Variants in PTPRD observed in about 807,000 individuals in gnomAD.
PTPRD encodes receptor-type tyrosine-protein phosphatase delta.
A neutral mutation model predicts 214.5 loss-of-function variants in PTPRD; 34 were observed. That is an observed-to-expected ratio of 0.16 (90% CI 0.12 to 0.21). PTPRD has a LOEUF of 0.21. Ranked by LOEUF, PTPRD falls within the 10% of genes least tolerant of loss-of-function variation. PTPRD has a pLI of 1.00. For synonymous variants in PTPRD, 1,128 were observed against 845.7 expected, an observed-to-expected ratio of 1.33 and a Z score of -5.79; for missense variants, 2,545 against 2,398.7, an observed-to-expected ratio of 1.06 and a Z score of -1.27.
At chr9:10,508,376 A>G (rs1031727427) in intron 2 of PTPRD, among the ~76,000 whole-genome samples, 1 of 152,182 alleles carries the variant, frequency 6.6e-6, no homozygotes, top group African/African-American at 2.4e-5. Context: ...ACCATTGTGG[A>G]AGACAGTGCG....
intron 7 of PTPRD, among the ~76,000 whole-genome samples, chr9:9,701,242 C>G (rs2097495144): frequency 6.6e-6 from 1 of 151,996 alleles, no homozygotes; most frequent in South Asian, 2.1e-4. Context: ...GAGCAAATAA[C>G]TAAGAATGTT....
rs1275955398 is a variant in PTPRD, at chr9:8,352,452, A to C, written c.4662-10474T>G. On this transcript the variant is annotated intron_variant, in intron 39 of 45. Coordinates refer to ENST00000381196, the MANE Select transcript of PTPRD (RefSeq NM_002839.4). ...CCATACCAGCTCACTCCGTATTCTAAATTCTGTTTAGAGTGATACAAAATT... is the reference window on the plus strand; with the variant it reads ...CCATACCAGCTCACTCCGTATTCTACATTCTGTTTAGAGTGATACAAAATT... Among the ~76,000 whole-genome samples the C allele has an allele frequency of 2.6e-5, 4 of 152,160 alleles. No individual in the cohort carries two copies. In the East Asian group the frequency reaches 5.8e-4, roughly 22 times the overall value.
At chr9:8,338,451 C>A (rs1849098444) in intron 43 of PTPRD, among the ~76,000 whole-genome samples, 1 of 152,076 alleles carries the variant, frequency 6.6e-6, no homozygotes, top group Non-Finnish European at 1.5e-5. Context: ...CAAAGCTTGT[C>A]AGATTTTTCT....
chr9:8,434,008 T>C (rs148359004), intron 35 of PTPRD, among the ~76,000 whole-genome samples: 5 of 152,156 alleles, frequency 3.3e-5, no homozygotes, highest in African/African-American at 9.6e-5. Flanking sequence ...TGTTTGTTTG[T>C]TTCACTCTTG....
intron 39 of PTPRD, among the ~76,000 whole-genome samples, chr9:8,345,165 C>T (rs1032889796): frequency 1.3e-5 from 2 of 152,004 alleles, no homozygotes; most frequent in Admixed American, 6.6e-5. Context: ...CATTTATCAT[C>T]GTGGCAAATG....
intron 8 of PTPRD, among the ~76,000 whole-genome samples, chr9:9,515,598 C>G (rs1360401847): frequency 6.6e-6 from 1 of 151,538 alleles, no homozygotes; most frequent in Non-Finnish European, 1.5e-5. Context: ...ATTATGTATT[C>G]TCAACAATTA....
intron 4 of PTPRD, among the ~76,000 whole-genome samples, chr9:9,962,644 A>G (rs1394557024): frequency 6.6e-6 from 1 of 152,102 alleles, no homozygotes; most frequent in Admixed American, 6.6e-5. Context: ...AGACATAAAT[A>G]CTATGTCCAT....
chr9:9,643,603 C>A (rs902254012), intron 7 of PTPRD, among the ~76,000 whole-genome samples: 1 of 152,092 alleles, frequency 6.6e-6, no homozygotes, highest in African/African-American at 2.4e-5. Context: ...AATAGATCCT[C>A]ACTTTTAAAC....
At chr9:9,833,627 CTG>C (rs2055714861) in intron 5 of PTPRD, among the ~76,000 whole-genome samples, 1 of 97,662 alleles carries the variant, frequency 1.0e-5, no homozygotes, top group African/African-American at 4.7e-5. Context: ...CTATGGGAGA[CTG>C]GAGTTTATTT....
At chr9:10,283,125 TAC>T (rs58492445) in intron 3 of PTPRD, among the ~76,000 whole-genome samples, 164 of 148,654 alleles carry the variant, frequency 1.1e-3, no homozygotes, top group Non-Finnish European at 1.3e-3. Context: ...CCTGCATATG[TAC>T]ACACACACAC....
intron 5 of PTPRD, among the ~76,000 whole-genome samples, chr9:9,775,165 C>T (rs2098787309): frequency 6.6e-6 from 1 of 152,182 alleles, no homozygotes; most frequent in East Asian, 1.9e-4. Flanking sequence ...CAACTAATTG[C>T]ATTAATAATC....
chr9:8,977,501 T>G (rs920996673), intron 11 of PTPRD, among the ~76,000 whole-genome samples: 1 of 152,104 alleles, frequency 6.6e-6, no homozygotes, highest in Non-Finnish European at 1.5e-5. Context: ...TGTGCTGTTA[T>G]TGAAACTATC....
chr9:9,078,295 T>A (rs2099754024), intron 10 of PTPRD, among the ~76,000 whole-genome samples: 1 of 152,150 alleles, frequency 6.6e-6, no homozygotes, highest in African/African-American at 2.4e-5. Flanking sequence ...CGCAAGAATT[T>A]CTGAGTTCTG....
intron 8 of PTPRD, among the ~76,000 whole-genome samples, chr9:9,446,664 T>C (rs571508017): frequency 1.3e-5 from 2 of 152,248 alleles, no homozygotes; most frequent in African/African-American, 4.8e-5. Context: ...GACCTCCAAA[T>C]GGGATCTAAT....
chr9:10,248,649 G>A (rs945201768), intron 3 of PTPRD, among the ~76,000 whole-genome samples: 1 of 152,064 alleles, frequency 6.6e-6, no homozygotes. Flanking sequence ...GAAAAAGAGA[G>A]TCATTCTAAA....
intron 5 of PTPRD, among the ~76,000 whole-genome samples, chr9:9,797,979 G>T (rs868699505): frequency 2.0e-5 from 3 of 152,302 alleles, no homozygotes; most frequent in Middle Eastern, 6.8e-3. Context: ...ATACACGAAT[G>T]TTCTTGATCA....
chr9:8,629,794 T>C (rs1248903427), intron 14 of PTPRD, among the ~76,000 whole-genome samples: 3 of 151,706 alleles, frequency 2.0e-5, no homozygotes, highest in African/African-American at 7.3e-5. Flanking sequence ...ACCTCCCCCC[T>C]CTCCTACTTC....
intron 2 of PTPRD, among the ~76,000 whole-genome samples, chr9:10,559,852 C>A (rs1209536823): frequency 2.0e-5 from 3 of 152,122 alleles, no homozygotes; most frequent in South Asian, 4.2e-4. Flanking sequence ...ATCAAAACCA[C>A]AATGAGATAT....
intron 2 of PTPRD, among the ~76,000 whole-genome samples, chr9:10,566,669 C>T (rs2065725235): frequency 6.6e-6 from 1 of 151,942 alleles, no homozygotes; most frequent in South Asian, 2.1e-4. Flanking sequence ...ATTTTCTGGA[C>T]AGAAGTTCTT....
Sources: gnomAD v4.1 joint callset for allele counts (sites outside exome capture counted in the v4.1 genomes callset) on GRCh38, gnomAD v4.1.1 for gene constraint, MANE v1.5 for transcripts, NCBI Gene and HGNC (gene_info 2026-07-23, HGNC 2026-07-21) for gene names.